Variants in TSPAN15 observed in about 807,000 individuals in gnomAD.
TSPAN15 encodes tetraspanin 15, also known as tetraspanin-15.
A neutral mutation model predicts 34.5 loss-of-function variants in TSPAN15; 20 were observed. The ratio of observed to expected loss-of-function variants is 0.58; its 90% CI spans 0.41 to 0.84. TSPAN15 has a LOEUF of 0.84. TSPAN15 is among the 40% of genes least tolerant of loss of function. The pLI is 0.00. For synonymous variants in TSPAN15, 155 were observed against 153.9 expected (o/e 1.01, Z -0.05); for missense variants, 313 against 386.1 (o/e 0.81, Z 1.59).
In TSPAN15 at chr10:69,484,955, T is replaced by C. The variant is rs561018479; in HGVS notation, c.283-186T>C. 2.0e-5 allele frequency among the ~76,000 whole-genome samples: 3 copies of C among 152,252 alleles called. No individual in the cohort carries two copies. The East Asian group carries it at 5.8e-4, about 29-fold the overall frequency. On this transcript the variant is annotated intron_variant, in intron 2 of 7. Transcript: ENST00000373290. ...TGCCCTCCGGCTCCAGAGACAGGTT[T>C]TCCTGGGGCCTGCCTGTCCACGTCC...
intron 5 of TSPAN15, among the ~76,000 whole-genome samples, chr10:69,501,057 A>C (rs1170931468): frequency 2.0e-5 from 3 of 152,128 alleles, no homozygotes; most frequent in African/African-American, 7.2e-5. Context: ...GAAATCAAGG[A>C]GGATACCCAG....
intron 1 of TSPAN15, among the ~76,000 whole-genome samples, chr10:69,455,450 T>C (rs1841066464): frequency 6.6e-6 from 1 of 152,208 alleles, no homozygotes; most frequent in Non-Finnish European, 1.5e-5. Flanking sequence ...GATTCCACTC[T>C]AGGCTATGCC....
At chr10:69,455,148 CAAAA>C (rs60463263) in intron 1 of TSPAN15, among the ~76,000 whole-genome samples, 3 of 82,470 alleles carry the variant, frequency 3.6e-5, no homozygotes, top group East Asian at 8.6e-4. Context: ...GTGACAGTCT[CAAAA>C]AAAAAAAAAA....
chr10:69,464,473 G>A (rs566410462), intron 1 of TSPAN15, among the ~76,000 whole-genome samples: 16 of 152,338 alleles, frequency 1.1e-4, no homozygotes, highest in African/African-American at 3.8e-4. Flanking sequence ...CCCTACTGCT[G>A]GTTTCTTGGG....
intron 1 of TSPAN15, among the ~76,000 whole-genome samples, chr10:69,480,859 G>A (rs184856170): frequency 6.8e-4 from 103 of 152,194 alleles, no homozygotes; most frequent in Middle Eastern, 3.4e-3. Flanking sequence ...CACCAAGCCC[G>A]GCTCATTTTT....
intron 1 of TSPAN15, among the ~76,000 whole-genome samples, chr10:69,466,936 C>T (rs920208477): frequency 1.3e-5 from 2 of 152,184 alleles, no homozygotes; most frequent in Non-Finnish European, 2.9e-5. Flanking sequence ...TTGTGCAGCT[C>T]GTAAGTGGCC....
At position 69,497,717 on chromosome 10, in the gene TSPAN15, G is replaced by A. The variant is rs374735832; in HGVS notation, c.454-563G>A. On this transcript the variant is annotated intron_variant, in intron 4 of 7. Coordinates refer to ENST00000373290, the MANE Select transcript of TSPAN15 (RefSeq NM_012339.5). ...ATGCCAGGCACATACCAGCCATCAG[G>A]AGGGTTACCAACTACTTCCTACAGG... Among the ~76,000 whole-genome samples the A allele has an allele frequency of 5.9e-5, 9 of 152,280 alleles. No homozygotes were observed. In the East Asian group the frequency reaches 1.7e-3, roughly 29 times the overall value.
At chr10:69,529,858 G>T in the TSPAN15 span, among the ~76,000 whole-genome samples, 5 of 99,800 alleles carry the variant, frequency 5.0e-5, no homozygotes, top group African/African-American at 2.0e-4. Context: ...CCCTTCCCCC[G>T]CAAGTCCCCA....
chr10:69,538,275 T>C, the TSPAN15 span, among the ~76,000 whole-genome samples: 1 of 152,120 alleles, frequency 6.6e-6, no homozygotes, highest in Non-Finnish European at 1.5e-5. Flanking sequence ...GATGGCTGAA[T>C]GTGGGTCGGA....
chr10:69,535,400 C>A, the TSPAN15 span, among the ~76,000 whole-genome samples: 2 of 152,146 alleles, frequency 1.3e-5, no homozygotes, highest in African/African-American at 4.8e-5. Flanking sequence ...AAATGCTTAA[C>A]CCATGAGTTA....
chr10:69,489,512 G>A (rs982125776), intron 3 of TSPAN15, among the ~76,000 whole-genome samples: 6 of 152,190 alleles, frequency 3.9e-5, no homozygotes, highest in Admixed American at 6.5e-5. Context: ...CCATGAAATC[G>A]TCACAATTTA....
chr10:69,505,470 T>A (rs1211320606), intron 6 of TSPAN15, among the ~76,000 whole-genome samples: 1 of 152,222 alleles, frequency 6.6e-6, no homozygotes, highest in Non-Finnish European at 1.5e-5. Context: ...GAACAATTCT[T>A]GATAAAGTTC....
the TSPAN15 span, among the ~76,000 whole-genome samples, chr10:69,548,416 T>C: frequency 6.6e-6 from 1 of 152,370 alleles, no homozygotes; most frequent in East Asian, 1.9e-4. Flanking sequence ...AGCCCTATAA[T>C]TGAGACAGAC....
intron 1 of TSPAN15, among the ~76,000 whole-genome samples, chr10:69,478,860 A>G (rs1187370626): frequency 6.6e-6 from 1 of 152,246 alleles, no homozygotes; most frequent in African/African-American, 2.4e-5. Flanking sequence ...AGGAATGTAA[A>G]TGACATTTTA....
intron 5 of TSPAN15, 88 bp from the exon 6 acceptor site, chr10:69,504,350 G>A (rs1479132062): frequency 8.9e-6 from 12 of 1,343,710 alleles, no homozygotes; most frequent in African/African-American, 7.2e-5. Context: ...TCTGTGCTTC[G>A]GTTTTCATCT....
intron 1 of TSPAN15, among the ~76,000 whole-genome samples, chr10:69,471,566 C>T (rs1235435609): frequency 2.1e-5 from 3 of 141,732 alleles, no homozygotes; most frequent in African/African-American, 9.5e-5. Context: ...TCTCACTCTC[C>T]CCTTCTCCCC....
At chr10:69,487,603 C>T (rs1841881551) in intron 3 of TSPAN15, among the ~76,000 whole-genome samples, 1 of 152,250 alleles carries the variant, frequency 6.6e-6, no homozygotes, top group Non-Finnish European at 1.5e-5. Flanking sequence ...CGTCCACGGC[C>T]TTCATAAACT....
At chr10:69,540,972 C>A in the TSPAN15 span, among the ~76,000 whole-genome samples, 1 of 152,180 alleles carries the variant, frequency 6.6e-6, no homozygotes, top group Admixed American at 6.5e-5. Context: ...TGGTGCCAGC[C>A]TCCAGGGTGT....
intron 4 of TSPAN15, among the ~76,000 whole-genome samples, chr10:69,496,639 G>A (rs1166393278): frequency 6.6e-6 from 1 of 152,200 alleles, no homozygotes; most frequent in Non-Finnish European, 1.5e-5. Context: ...ACTCAGCCGG[G>A]ACAGCACTTC....
Sources: allele counts gnomAD v4.1 joint callset (sites outside exome capture counted in the v4.1 genomes callset), GRCh38; gene constraint gnomAD v4.1.1; transcripts MANE v1.5; gene names NCBI Gene and HGNC (gene_info 2026-07-23, HGNC 2026-07-21).